Variants in NIPA2 observed in about 807,000 individuals in gnomAD.
The protein encoded by NIPA2 is magnesium transporter NIPA2.
In NIPA2, 11 loss-of-function variants were observed where a neutral mutation model predicts 29.7. The ratio of observed to expected loss-of-function variants is 0.37; its 90% CI spans 0.23 to 0.61. The LOEUF is 0.61. Among genes scored for constraint, NIPA2 ranks in the 20% least tolerant of loss-of-function variants. The pLI is 0.66. For synonymous variants in NIPA2, 183 were observed against 161.9 expected, an observed-to-expected ratio of 1.13 and a Z score of -0.99; for missense variants, 426 against 437.9, an observed-to-expected ratio of 0.97 and a Z score of 0.24.
Position 22,838,889 on chromosome 15 carries a change from A to AG in NIPA2, c.-380dup. The AG allele has an allele frequency of 6.6e-6, 1 of 152,336 alleles. No homozygotes were observed. The highest frequency in any genetic ancestry group is 1.9e-4 in the East Asian group (1 of 5,166). The allele number at this position is 152,336 out of a possible 1,614,324, so 9.4% of individuals were successfully genotyped here. A position where few individuals can be genotyped will look rare whatever the true frequency, so the allele number is the denominator to read the frequency against. On this transcript the variant is annotated 5_prime_UTR_variant, in exon 1 of 8. The change abolishes the stop of an existing upstream ORF in the 5' untranslated region. Coordinates refer to ENST00000337451, the MANE Select transcript of NIPA2 (RefSeq NM_030922.7). The stretch of plus-strand genomic sequence containing the variant: ...CGCGGTGCCCAAGGCTGCGCCGGCG[A>AG]GGGGAAGCCGCGCGGCCGGCCGGCC...
Position 22,858,534 on chromosome 15 carries a change from T to C in NIPA2, c.197-6T>C, listed in dbSNP as rs758763781. On this transcript the variant is annotated splice_polypyrimidine_tract_variant and splice_region_variant and intron_variant, in intron 5 of 7. Transcript: ENST00000337451. ...CTGAGTTTTTCTTTTGTTGTCTGTC[T>C]CTAAGTGGGAGCTGGTGAGGTGGCC... is the stretch of plus-strand genomic sequence containing the variant. The C allele has an allele frequency of 1.9e-6, 3 of 1,599,072 alleles. No individual in the cohort carries two copies. In the African/African-American group the frequency reaches 4.0e-5, roughly 21 times the overall value.
Position 22,860,092 on chromosome 15 carries a change from G to A in NIPA2, c.288-537G>A, listed in dbSNP as rs534646465. ...GTCACCCAGGCTGGAGTGCAGTGGC[G>A]CGATGTCAGCTCGCTGCAACCTCTG... On this transcript the variant is annotated intron_variant, in intron 6 of 7. Coordinates refer to ENST00000337451, the MANE Select transcript of NIPA2 (RefSeq NM_030922.7). Among the ~76,000 whole-genome samples the A allele has an allele frequency of 7.5e-4, 113 of 150,638 alleles. 1 individual carries two copies. Among genetic ancestry groups the A allele is most frequent in the Admixed American group, 4.2e-3 (63 of 15,068 alleles).
At position 22,866,705 on chromosome 15, in the gene NIPA2, G is replaced by A. The variant is rs776169350; in HGVS notation, c.941G>A (p.Arg314Gln). ...CTAGCAAGTCTGCCTGTGTCTTTTC[G>A]AAAAGACGAGAAAGCAATGAATGGC... is the stretch of plus-strand genomic sequence containing the variant. Reference protein sequence around the residue: ...FSLASLPVSFRKDEKAMNGNL... With the variant: ...FSLASLPVSFQKDEKAMNGNL... The change falls in exon 8 of 8, where the codon CGA becomes CAA. Residue 314 changes from arginine to glutamine, a missense_variant. Transcript: ENST00000337451. 24 of 1,613,904 alleles carry A rather than the reference G, an allele frequency of 1.5e-5. No individual in the cohort carries two copies. Among genetic ancestry groups the A allele is most frequent in the South Asian group, 3.3e-5 (3 of 91,076 alleles).
At chr15:22,859,527 C>T (rs764580944) in intron 6 of NIPA2, among the ~76,000 whole-genome samples, 1 of 152,138 alleles carries the variant, frequency 6.6e-6, no homozygotes, top group Non-Finnish European at 1.5e-5. Context: ...GTCCTGACCT[C>T]GTGATCCACC....
intron 6 of NIPA2, among the ~76,000 whole-genome samples, chr15:22,859,096 C>T (rs112638094): frequency 0.14 from 20,647 of 151,870 alleles, 1,695 homozygotes; most frequent in Admixed American, 0.26. Context: ...ATGGCTTGAA[C>T]GCAGGAAGAG....
intron 2 of NIPA2, among the ~76,000 whole-genome samples, chr15:22,844,425 A>C (rs957442288): frequency 6.6e-5 from 10 of 151,974 alleles, no homozygotes; most frequent in African/African-American, 2.4e-4. Flanking sequence ...GTGGCAGTAC[A>C]CGTCTGTAAT....
At chr15:22,848,623 C>G (rs1175887825) in intron 3 of NIPA2, among the ~76,000 whole-genome samples, 1 of 151,688 alleles carries the variant, frequency 6.6e-6, no homozygotes, top group Admixed American at 6.6e-5. Context: ...GTCAGGAGTT[C>G]CAGACCAGCC....
chr15:22,852,999 T>G (rs983768221), intron 4 of NIPA2, among the ~76,000 whole-genome samples: 1 of 152,140 alleles, frequency 6.6e-6, no homozygotes, highest in Non-Finnish European at 1.5e-5. Flanking sequence ...TCCTAAGAGG[T>G]GCTCTCACTG....
intron 3 of NIPA2, among the ~76,000 whole-genome samples, chr15:22,845,522 T>G (rs1452650025): frequency 6.6e-6 from 1 of 152,210 alleles, no homozygotes; most frequent in African/African-American, 2.4e-5. Flanking sequence ...TAAGTAATTG[T>G]TTTTAAGGAA....
At chr15:22,848,952 T>C (rs1194173844) in intron 3 of NIPA2, among the ~76,000 whole-genome samples, 1 of 151,644 alleles carries the variant, frequency 6.6e-6, no homozygotes, top group African/African-American at 2.4e-5. Context: ...GCGAATATCA[T>C]GCAGGAGCCC....
At chr15:22,865,476 ACT>A (rs1438337861) in intron 7 of NIPA2, among the ~76,000 whole-genome samples, 1 of 145,036 alleles carries the variant, frequency 6.9e-6, no homozygotes, top group South Asian at 2.2e-4. Flanking sequence ...ACAGAGCAAG[ACT>A]CTGTCTCAAA....
chr15:22,853,131 A>T, intron 4 of NIPA2, 81 bp from the exon 5 acceptor site: 1 of 939,422 alleles, frequency 1.1e-6, no homozygotes. Flanking sequence ...AGATATTTAA[A>T]AATCTGTCAT....
In NIPA2 at chr15:22,866,689, C is replaced by T. The variant is rs759024338; in HGVS notation, c.925C>T (p.Leu309=). The T allele has an allele frequency of 1.2e-6, 2 of 1,614,076 alleles. No individual in the cohort carries two copies. Among genetic ancestry groups the T allele is most frequent in the South Asian group, 2.2e-5 (2 of 91,082 alleles). ...FKDVSFSLAS[L]PVSFRKDEKA... ...AGACGTCAGCTTTAGTCTAGCAAGT[C>T]TGCCTGTGTCTTTTCGAAAAGACGA... The change falls in exon 8 of 8, where the codon CTG becomes TTG. Residue 309 remains leucine (L), a synonymous_variant. Coordinates refer to ENST00000337451, the MANE Select transcript of NIPA2 (RefSeq NM_030922.7).
intron 5 of NIPA2, among the ~76,000 whole-genome samples, chr15:22,853,493 C>T (rs963976573): frequency 6.6e-6 from 1 of 151,634 alleles, no homozygotes; most frequent in African/African-American, 2.4e-5. Flanking sequence ...CCTGCCTCAG[C>T]CTCCCAAGTA....
At chr15:22,860,907 T>C in intron 7 of NIPA2, 118 bp downstream of exon 7, 2 of 698,136 alleles carry the variant, frequency 2.9e-6, no homozygotes, top group Non-Finnish European at 4.7e-6. Context: ...GAAGAACAAA[T>C]TGTCGTCATG....
rs1794697121 is a variant in NIPA2, at chr15:22,867,806, A to G, written c.*959A>G. On this transcript the variant is annotated 3_prime_UTR_variant, in exon 8 of 8. Transcript: ENST00000337451. ...CTCTTTGTACCAAGTACTTTGCTTA[A>G]GAGCTCCTTTGGGCCACTACATATT... The G allele has an allele frequency of 6.6e-6, 1 of 152,142 alleles. No homozygotes were observed. Among genetic ancestry groups the G allele is most frequent in the South Asian group, 2.1e-4 (1 of 4,824 alleles). The allele number at this position is 152,142 out of a possible 1,614,324, so 9.4% of individuals were successfully genotyped here. A position where few individuals can be genotyped will look rare whatever the true frequency, so the allele number is the denominator to read the frequency against.
At chr15:22,848,851 A>AAAT (rs2057489180) in intron 3 of NIPA2, among the ~76,000 whole-genome samples, 2 of 148,102 alleles carry the variant, frequency 1.4e-5, no homozygotes, top group Admixed American at 1.3e-4. Flanking sequence ...AAAAAAAAAA[A>AAAT]GAATTACTCC....
chr15:22,864,463 C>G (rs1394206411), intron 7 of NIPA2, among the ~76,000 whole-genome samples: 1 of 151,934 alleles, frequency 6.6e-6, no homozygotes, highest in Non-Finnish European at 1.5e-5. Flanking sequence ...CTGCTGTCCT[C>G]TGTTATGTAA....
At chr15:22,864,139 T>A (rs2058804805) in intron 7 of NIPA2, among the ~76,000 whole-genome samples, 1 of 152,100 alleles carries the variant, frequency 6.6e-6, no homozygotes, top group East Asian at 1.9e-4. Context: ...GCTTCTCTCC[T>A]GGTGGTCTTT....
Sources: allele counts gnomAD v4.1 joint callset (sites outside exome capture counted in the v4.1 genomes callset), GRCh38; gene constraint gnomAD v4.1.1; transcripts MANE v1.5; gene names NCBI Gene and HGNC (gene_info 2026-07-23, HGNC 2026-07-21).